Variants in BCLAF3 observed in about 807,000 individuals in gnomAD.
BCLAF3 encodes the protein transient octamer binding factor 1.
A neutral mutation model predicts 51.2 loss-of-function variants in BCLAF3; 24 were observed. That is an observed-to-expected ratio of 0.47 (90% CI 0.34 to 0.66). The LOEUF (loss-of-function observed/expected upper bound fraction) is 0.66. BCLAF3 is among the 30% of genes least tolerant of loss of function. The pLI, the probability that BCLAF3 is intolerant of heterozygous loss-of-function variation, is 0.01. For synonymous variants in BCLAF3, 152 were observed against 176.6 expected, an observed-to-expected ratio of 0.86 and a Z score of 1.10; for missense variants, 465 against 525.1, an observed-to-expected ratio of 0.89 and a Z score of 1.12.
At chrX:19,937,094 T>C (rs2070793292) in intron 9 of BCLAF3, among the ~76,000 whole-genome samples, 1 of 111,234 alleles carries the variant, frequency 9.0e-6, no homozygotes, top group Non-Finnish European at 1.9e-5. Flanking sequence ...AGGCAGGTCT[T>C]GAACTCCTGG....
intron 11 of BCLAF3, among the ~76,000 whole-genome samples, chrX:19,919,320 G>A (rs2070046979): frequency 8.9e-6 from 1 of 111,989 alleles, no homozygotes; most frequent in Non-Finnish European, 1.9e-5. Flanking sequence ...GTGAAGTTAA[G>A]CTCTTAAAAA....
intron 10 of BCLAF3, among the ~76,000 whole-genome samples, chrX:19,934,163 A>G (rs1294537971): frequency 1.8e-5 from 2 of 112,460 alleles, no homozygotes; most frequent in African/African-American, 6.5e-5. Context: ...ATGTAATATT[A>G]TATAACTTTA....
intron 2 of BCLAF3, among the ~76,000 whole-genome samples, chrX:19,968,392 A>T (rs2072130790): frequency 8.9e-6 from 1 of 112,774 alleles, no homozygotes; most frequent in Non-Finnish European, 1.9e-5. Flanking sequence ...TTTGCTGTCC[A>T]GGATAATAAA....
At chrX:19,967,528 C>G (rs759349605) in intron 2 of BCLAF3, among the ~76,000 whole-genome samples, 1 of 111,613 alleles carries the variant, frequency 9.0e-6, no homozygotes, top group East Asian at 2.8e-4. Flanking sequence ...TCCACTAAGG[C>G]GGAAGGCTTC....
At chrX:19,967,792 A>G (rs181625373) in intron 2 of BCLAF3, among the ~76,000 whole-genome samples, 1 of 112,197 alleles carries the variant, frequency 8.9e-6, no homozygotes, top group East Asian at 2.8e-4. Context: ...CCTTTCGATG[A>G]TAAGTCTGTG....
chrX:19,973,522 A>C (rs997219697), intron 1 of BCLAF3, among the ~76,000 whole-genome samples: 10 of 111,085 alleles, frequency 9.0e-5, no homozygotes, highest in African/African-American at 3.0e-4. Context: ...TCCCCCACAC[A>C]CCCTACTAGT....
intron 1 of BCLAF3, among the ~76,000 whole-genome samples, chrX:19,990,517 C>T (rs1029455817): frequency 1.8e-5 from 2 of 113,681 alleles, no homozygotes; most frequent in Non-Finnish European, 3.7e-5. Context: ...AGGGCCGCCT[C>T]GAGGACAAGG....
Position 19,935,897 on chromosome X carries a change from T to C in BCLAF3, c.1862A>G (p.Asn621Ser), listed in dbSNP as rs767842203. Residue 621 changes from asparagine to serine, a missense_variant and splice_region_variant, in exon 10 of 12, where the codon AAT becomes AGT. By Grantham distance (46) the Asn-to-Ser change is conservative. Transcript: ENST00000379682. ...FRKCIEKPYM[N>S]YTTQRKDIIT... ...TATGTCTTTTCTCTGCGTAGTATAATTCTGCACGAAAAAAAGTAGTAGTGT... is the reference window on the plus strand; with the variant it reads ...TATGTCTTTTCTCTGCGTAGTATAACTCTGCACGAAAAAAAGTAGTAGTGT... 1 of 1,199,726 alleles carries C rather than the reference T, an allele frequency of 8.3e-7. No individual in the cohort carries two copies. The highest frequency in any genetic ancestry group is 1.1e-6 in the Non-Finnish European group (1 of 885,897).
chrX:19,978,029 AG>A (rs1266994484), intron 1 of BCLAF3, among the ~76,000 whole-genome samples: 6 of 111,718 alleles, frequency 5.4e-5, no homozygotes, highest in Admixed American at 9.6e-5. Context: ...AAAAAAAAAA[AG>A]ATTCCTTTCA....
chrX:19,917,388 G>C (rs2069966756), intron 11 of BCLAF3, 54 bp from the exon 12 acceptor site: 2 of 1,042,328 alleles, frequency 1.9e-6, no homozygotes, highest in East Asian at 6.1e-5. Context: ...TCAAACATCT[G>C]AGCTAGTTTT....
At chrX:19,936,790 A>G (rs1218744104) in intron 9 of BCLAF3, among the ~76,000 whole-genome samples, 1 of 111,551 alleles carries the variant, frequency 9.0e-6, no homozygotes, top group East Asian at 2.8e-4. Context: ...CAGAAAGTAG[A>G]TTAGTGTTGG....
At chrX:19,959,017 C>T (rs1486214658) in intron 4 of BCLAF3, among the ~76,000 whole-genome samples, 1 of 112,410 alleles carries the variant, frequency 8.9e-6, no homozygotes, top group African/African-American at 3.2e-5. Flanking sequence ...CCAGCCCTCT[C>T]CTATCAGCTG....
chrX:19,962,905 C>T (rs1446710299), intron 4 of BCLAF3, among the ~76,000 whole-genome samples: 1 of 109,652 alleles, frequency 9.1e-6, no homozygotes, highest in Non-Finnish European at 1.9e-5. Flanking sequence ...GGCAACATAG[C>T]AAGATTTCTA....
In BCLAF3 at chrX:19,965,799, A is replaced by C. The variant is rs546894065; in HGVS notation, c.612-93T>G. 46 of 915,013 alleles carry C rather than the reference A, an allele frequency of 5.0e-5. No homozygotes were observed. In the South Asian group the frequency reaches 1.3e-3, roughly 25 times the overall value. 75.4% of individuals were successfully genotyped at this position (915,013 alleles called of 1,213,427 possible). A position where few individuals can be genotyped will look rare whatever the true frequency, so the allele number is the denominator to read the frequency against. Reference sequence around the variant, plus strand: ...TGTCGGGCAGCATGGCTTTAAATGCAGAATGCAGTGGCAAGTTAATCTATA... The same window carrying C: ...TGTCGGGCAGCATGGCTTTAAATGCCGAATGCAGTGGCAAGTTAATCTATA... On this transcript the variant is annotated intron_variant, in intron 3 of 11. Transcript: ENST00000379682.
intron 8 of BCLAF3, among the ~76,000 whole-genome samples, chrX:19,939,760 G>T (rs1249852267): frequency 8.9e-6 from 1 of 112,295 alleles, no homozygotes; most frequent in African/African-American, 3.2e-5. Context: ...AAAAAGGAAT[G>T]AAATTCTGAC....
rs1385755401 is a variant in BCLAF3, at chrX:19,915,679, T to C, written c.*1626A>G. The C allele has an allele frequency of 6.2e-5, 7 of 112,328 alleles. No individual in the cohort carries two copies. Among genetic ancestry groups the C allele is most frequent in the Non-Finnish European group, 1.3e-4 (7 of 53,288 alleles). 9.3% of individuals were successfully genotyped at this position (112,328 alleles called of 1,213,427 possible). ...AGGGTCCATGTGTCTTGTCTTCTTG[T>C]TCATTGCTGTAATTTTAGTACAGTA... is the stretch of plus-strand genomic sequence containing the variant. On this transcript the variant is annotated 3_prime_UTR_variant, in exon 12 of 12. Transcript: ENST00000379682.
At chrX:19,978,448 C>T (rs1569510315) in intron 1 of BCLAF3, among the ~76,000 whole-genome samples, 1 of 111,604 alleles carries the variant, frequency 9.0e-6, no homozygotes, top group Non-Finnish European at 1.9e-5. Flanking sequence ...GGTAGAAACA[C>T]CAAGAGAGCT....
rs1388191332 is a variant in BCLAF3 at position 19,950,814 on chromosome X, G to A, written c.1684C>T (p.Arg562Ter). Residue 562 changes from arginine to a stop codon, truncating the protein, a stop_gained, in exon 8 of 12, where the codon CGA (arginine) becomes TGA (stop). Transcript: ENST00000379682. LOFTEE classifies it high-confidence loss of function. ...NDLRHDIERR[R>*]KERLQNEDEH... ...TCTTCATTCTGTAACCGTTCTTTTCGCCTTCTTTCAATGTCATGTCGTAGG... is the reference window on the plus strand; with the variant it reads ...TCTTCATTCTGTAACCGTTCTTTTCACCTTCTTTCAATGTCATGTCGTAGG... 8.3e-7 allele frequency: 1 copy of A among 1,209,674 alleles called. No individual in the cohort carries two copies. Among genetic ancestry groups the A allele is most frequent in the Non-Finnish European group, 1.1e-6 (1 of 894,358 alleles).
Position 19,935,865 on chromosome X carries a change from G to A in BCLAF3, c.1894C>T (p.His632Tyr), listed in dbSNP as rs201720035. ...TTTCCCTCAACCTCAAATGGTTTGT[G>A]AGTAATTATGTCTTTTCTCTGCGTA... ...YTTQRKDIIT[H>Y]KPFEVEGNHR... Residue 632 changes from histidine (H) to tyrosine (Y), a missense_variant, in exon 10 of 12, where the codon CAC (histidine) becomes TAC (tyrosine). Transcript: ENST00000379682. The A allele has an allele frequency of 4.1e-6, 5 of 1,208,084 alleles. No homozygotes were observed. In the African/African-American group the frequency reaches 5.3e-5, roughly 13 times the overall value.
Sources: gnomAD v4.1 joint callset for allele counts (sites outside exome capture counted in the v4.1 genomes callset) on GRCh38, gnomAD v4.1.1 for gene constraint, MANE v1.5 for transcripts, NCBI Gene and HGNC (gene_info 2026-07-23, HGNC 2026-07-21) for gene names.